Variants in MYH9 observed in about 807,000 individuals in gnomAD.
MYH9 encodes myosin-9.
MYH9 carries 29 observed loss-of-function variants against 241.9 expected under a neutral mutation model. That is an observed-to-expected ratio of 0.12 (90% CI 0.09 to 0.16). The LOEUF is 0.16. Among genes scored for constraint, MYH9 ranks in the 10% least tolerant of loss-of-function variants. The probability of loss-of-function intolerance (pLI) is 1.00; values close to 1 mark genes in which losing one functional copy is unlikely to be tolerated. For missense variants in MYH9, 1,803 were observed against 2,595.5 expected (o/e 0.69, Z 6.63); for synonymous variants, 1,047 against 1,062.6 (o/e 0.99, Z 0.29).
At chr22:36,377,579 C>G (rs1273178354) in intron 1 of MYH9, among the ~76,000 whole-genome samples, 1 of 152,152 alleles carries the variant, frequency 6.6e-6, no homozygotes, top group Non-Finnish European at 1.5e-5. Flanking sequence ...ACCTTGTTAT[C>G]AAGGGACAGG....
intron 1 of MYH9, among the ~76,000 whole-genome samples, chr22:36,376,348 C>T (rs933777022): frequency 8.5e-5 from 13 of 152,134 alleles, no homozygotes; most frequent in East Asian, 1.9e-4. Context: ...ACCTTCCCAT[C>T]CTCCCTCCTC....
chr22:36,324,725 T>C (rs1315192961), intron 5 of MYH9, among the ~76,000 whole-genome samples: 1 of 152,208 alleles, frequency 6.6e-6, no homozygotes, highest in Non-Finnish European at 1.5e-5. Context: ...CGGCCAATGG[T>C]CTTTCACGCT....
chr22:36,299,725 A>C (rs2269531), intron 23 of MYH9, among the ~76,000 whole-genome samples: 5,912 of 152,180 alleles, frequency 0.039, 123 homozygotes, highest in South Asian at 0.065. Context: ...GACCCAACTC[A>C]TTCTCAAGAG....
At chr22:36,287,871 C>G (rs938113153) in intron 34 of MYH9, among the ~76,000 whole-genome samples, 1 of 152,188 alleles carries the variant, frequency 6.6e-6, no homozygotes, top group Admixed American at 6.5e-5. Flanking sequence ...AAGTATGTGT[C>G]CCACACTCCG....
chr22:36,286,956 T>A, intron 34 of MYH9, 110 bp from the exon 35 acceptor site: 1 of 1,516,962 alleles, frequency 6.6e-7, no homozygotes, highest in Non-Finnish European at 9.0e-7. Context: ...CACTCAATGC[T>A]GTATTTAACC....
At chr22:36,324,603 C>A (rs564154087) in intron 5 of MYH9, among the ~76,000 whole-genome samples, 2 of 152,248 alleles carry the variant, frequency 1.3e-5, no homozygotes, top group African/African-American at 4.8e-5. Context: ...AGGGTCAACT[C>A]GGTCACTGCA....
intron 3 of MYH9, among the ~76,000 whole-genome samples, chr22:36,333,568 G>A (rs942031635): frequency 2.0e-5 from 3 of 152,238 alleles, no homozygotes; most frequent in Non-Finnish European, 4.4e-5. Flanking sequence ...ACACGGGGCT[G>A]ACAGCCTTGG....
chr22:36,302,557 C>G lies in MYH9; in HGVS notation c.2499+11G>C. 6.2e-7 allele frequency: 1 copy of G among 1,611,072 alleles called. No homozygotes were observed. Among genetic ancestry groups the G allele is most frequent in the Non-Finnish European group, 8.5e-7 (1 of 1,178,894 alleles). On this transcript the variant is annotated intron_variant, in intron 20 of 40. Transcript: ENST00000216181. The stretch of plus-strand genomic sequence containing the variant: ...AGTCCCAGCTACTCAGGAGGCCCTT[C>G]TAGCACGCACCTTGGTGAAGAGCCG...
chr22:36,357,605 C>G (rs1883291595), intron 1 of MYH9, among the ~76,000 whole-genome samples: 1 of 152,172 alleles, frequency 6.6e-6, no homozygotes, highest in Non-Finnish European at 1.5e-5. Context: ...GTTGAGCCCA[C>G]TGATTGAAGG....
Position 36,318,459 on chromosome 22 carries a change from A to G in MYH9, c.1109-134T>C, listed in dbSNP as rs1216477416. On this transcript the variant is annotated intron_variant, in intron 10 of 40. Coordinates refer to ENST00000216181, the MANE Select transcript of MYH9 (RefSeq NM_002473.6). ...AGAGAGGAAGAAAGCCACGGGGTGAATGAGCAATCATTACCAGGACAACCG... is the reference window on the plus strand; with the variant it reads ...AGAGAGGAAGAAAGCCACGGGGTGAGTGAGCAATCATTACCAGGACAACCG... 1.8e-5 allele frequency: 14 copies of G among 779,950 alleles called. No individual in the cohort carries two copies. The Admixed American group carries it at 2.4e-4, about 13-fold the overall frequency. 48.3% of individuals were successfully genotyped at this position (779,950 alleles called of 1,614,324 possible).
chr22:36,301,184 T>G, intron 21 of MYH9, 127 bp from the exon 22 acceptor site: 2 of 938,662 alleles, frequency 2.1e-6, no homozygotes, highest in Non-Finnish European at 3.3e-6. Flanking sequence ...AGCTTTCATC[T>G]GGAGAGCTCT....
intron 1 of MYH9, among the ~76,000 whole-genome samples, chr22:36,358,939 CT>C (rs1439951659): frequency 2.0e-5 from 3 of 152,228 alleles, no homozygotes; most frequent in Non-Finnish European, 2.9e-5. Flanking sequence ...CATCTTGCCC[CT>C]GCCCTTCCTT....
At chr22:36,302,424 G>T (rs2016893716) in intron 20 of MYH9, 144 bp downstream of exon 20, 1 of 685,454 alleles carries the variant, frequency 1.5e-6, no homozygotes, top group African/African-American at 1.8e-5. Flanking sequence ...GAGGTAGGAG[G>T]ATTGCTGGAG....
At chr22:36,367,432 A>T (rs2018027634) in intron 1 of MYH9, among the ~76,000 whole-genome samples, 1 of 152,178 alleles carries the variant, frequency 6.6e-6, no homozygotes, top group African/African-American at 2.4e-5. Flanking sequence ...GGACATATAG[A>T]AGGCATGGCA....
intron 40 of MYH9, among the ~76,000 whole-genome samples, chr22:36,283,644 AC>A (rs1404381031): frequency 6.6e-6 from 1 of 152,134 alleles, no homozygotes; most frequent in African/African-American, 2.4e-5. Context: ...CAAAAAACCC[AC>A]AAAAAAACAC....
chr22:36,296,297 C>T (rs971937848), intron 25 of MYH9, among the ~76,000 whole-genome samples: 5 of 152,094 alleles, frequency 3.3e-5, no homozygotes, highest in Admixed American at 6.5e-5. Context: ...TGCAATGGCA[C>T]GATCTTGGCT....
At position 36,288,116 on chromosome 22, in the gene MYH9, G is replaced by A. The variant is rs1351663609; in HGVS notation, c.4932+136C>T. 6 of 1,033,028 alleles carry A rather than the reference G, an allele frequency of 5.8e-6. No individual in the cohort carries two copies. Among genetic ancestry groups the A allele is most frequent in the South Asian group, 1.4e-5 (1 of 72,174 alleles). 64.0% of individuals were successfully genotyped at this position (1,033,028 alleles called of 1,614,324 possible). ...CTCTGAGTCTCTGTCAGTGAGATGG[G>A]GCTGGAAGCACCCAGGACCTTCCCA... On this transcript the variant is annotated intron_variant, in intron 34 of 40. Coordinates refer to ENST00000216181, the MANE Select transcript of MYH9 (RefSeq NM_002473.6). The surrounding 1 kb of genome is among the most constrained non-coding windows in gnomAD (Gnocchi z 4.8).
Position 36,306,468 on chromosome 22 carries a change from C to A in MYH9, c.1983G>T (p.Leu661=), listed in dbSNP as rs1451172806. ...KEQLAKLMAT[L]RNTNPNFVRC... ...GGACAAAGTTGGGGTTCGTGTTCCTCAGCGTAGCCATCAGCTTGGCCAGCT... is the reference window on the plus strand; with the variant it reads ...GGACAAAGTTGGGGTTCGTGTTCCTAAGCGTAGCCATCAGCTTGGCCAGCT... Residue 661 remains leucine (L), a synonymous_variant, in exon 16 of 41, where the codon CTG becomes CTT. Coordinates refer to ENST00000216181, the MANE Select transcript of MYH9 (RefSeq NM_002473.6). The surrounding 1 kb of genome is among the most constrained non-coding windows in gnomAD (Gnocchi z 4.1). 1 of 1,614,170 alleles carries A rather than the reference C, an allele frequency of 6.2e-7. No individual in the cohort carries two copies. Among genetic ancestry groups the A allele is most frequent in the Non-Finnish European group, 8.5e-7 (1 of 1,180,046 alleles).
chr22:36,345,721 A>G (rs1403748668), intron 2 of MYH9, among the ~76,000 whole-genome samples: 1 of 152,218 alleles, frequency 6.6e-6, no homozygotes, highest in Non-Finnish European at 1.5e-5. Flanking sequence ...TTATCAAGCA[A>G]CAGATGAGAC....
Sources: gnomAD v4.1 joint callset for allele counts (sites outside exome capture counted in the v4.1 genomes callset) on GRCh38, gnomAD v4.1.1 for gene constraint, Gnocchi (gnomAD v3.1) non-coding constraint, MANE v1.5 for transcripts, NCBI Gene and HGNC (gene_info 2026-07-23, HGNC 2026-07-21) for gene names.